ADAMTS17: variants seen among roughly 807,000 people sequenced by gnomAD.
ADAMTS17 encodes the protein A disintegrin and metalloproteinase with thrombospondin motifs 17.
ADAMTS17 carries 113 observed loss-of-function variants against 141.5 expected under a neutral mutation model. The observed-to-expected ratio is 0.80, with a 90% CI of 0.69 to 0.93. ADAMTS17 has a LOEUF of 0.93. Ranked by LOEUF, ADAMTS17 falls within the 40% of genes least tolerant of loss-of-function variation. The probability of loss-of-function intolerance (pLI) is 0.00; values close to 1 mark genes in which losing one functional copy is unlikely to be tolerated. For synonymous variants in ADAMTS17, 768 were observed against 630.6 expected (o/e 1.22, Z -3.27); for missense variants, 1,659 against 1,517.9 (o/e 1.09, Z -1.54).
chr15:100,116,886 G>A lies in ADAMTS17; in HGVS notation c.1849C>T (p.Pro617Ser). The A allele has an allele frequency of 6.2e-7, 1 of 1,614,142 alleles. No homozygotes were observed. The highest frequency in any genetic ancestry group is 8.5e-7 in the Non-Finnish European group (1 of 1,180,024). The change falls in exon 13 of 22, where the codon CCC becomes TCC. Residue 617 changes from proline to serine, a missense_variant. Physicochemically the swap from Pro to Ser is moderately conservative, Grantham distance 74 (BLOSUM62 -1). Coordinates refer to ENST00000268070, the MANE Select transcript of ADAMTS17 (RefSeq NM_139057.4). ...GCTGTCAGCAGGCCTTTCTTCTTGGGGCTCAGCCGGTCGTGTGCCTGGCAC... is the reference window on the plus strand; with the variant it reads ...GCTGTCAGCAGGCCTTTCTTCTTGGAGCTCAGCCGGTCGTGTGCCTGGCAC... ...QQCQAHDRLS[P>S]KKKGLLTAVV... is the part of the protein sequence containing the mutation.
intron 7 of ADAMTS17, among the ~76,000 whole-genome samples, chr15:100,241,613 C>A (rs2042830215): frequency 6.6e-6 from 1 of 152,196 alleles, no homozygotes; most frequent in African/African-American, 2.4e-5. Flanking sequence ...CCCTAGGTGC[C>A]ATTCATGGAT....
chr15:100,001,923 T>C (rs1463906486), intron 18 of ADAMTS17, among the ~76,000 whole-genome samples: 2 of 135,214 alleles, frequency 1.5e-5, no homozygotes, highest in African/African-American at 2.8e-5. Flanking sequence ...GAGCCGAGAT[T>C]GCACCACTGC....
chr15:100,302,975 A>G (rs1445857891), intron 3 of ADAMTS17, among the ~76,000 whole-genome samples: 3 of 151,872 alleles, frequency 2.0e-5, no homozygotes, highest in Non-Finnish European at 2.9e-5. Context: ...GTCCTCAAAC[A>G]TCGGACTCCA....
chr15:100,027,609 TGAGTA>T (rs1380975458), intron 18 of ADAMTS17, among the ~76,000 whole-genome samples: 1 of 152,262 alleles, frequency 6.6e-6, no homozygotes, highest in African/African-American at 2.4e-5. Context: ...ACAATAGAAT[TGAGTA>T]GTTAAGACAG....
chr15:100,168,858 GCT>G (rs2040050911), intron 8 of ADAMTS17, among the ~76,000 whole-genome samples: 1 of 152,202 alleles, frequency 6.6e-6, no homozygotes, highest in African/African-American at 2.4e-5. Flanking sequence ...CAGGCTGTCT[GCT>G]CCTACCCTCC....
At chr15:100,035,137 A>G (rs1355655917) in intron 18 of ADAMTS17, among the ~76,000 whole-genome samples, 3 of 152,168 alleles carry the variant, frequency 2.0e-5, no homozygotes, top group Non-Finnish European at 4.4e-5. Context: ...TCAAAAGAGC[A>G]ATACCTTTGA....
intron 7 of ADAMTS17, among the ~76,000 whole-genome samples, chr15:100,238,540 G>A (rs2042730048): frequency 6.6e-6 from 1 of 152,194 alleles, no homozygotes; most frequent in Non-Finnish European, 1.5e-5. Flanking sequence ...AATCTGTGAT[G>A]GACACAGCAA....
chr15:100,255,938 G>A (rs565735668), intron 6 of ADAMTS17, among the ~76,000 whole-genome samples: 3 of 152,206 alleles, frequency 2.0e-5, no homozygotes, highest in Non-Finnish European at 2.9e-5. Context: ...AGGAAGAGGT[G>A]TGTTCAGCTC....
At chr15:100,120,188 C>A (rs1311037449) in intron 12 of ADAMTS17, among the ~76,000 whole-genome samples, 1 of 152,208 alleles carries the variant, frequency 6.6e-6, no homozygotes, top group African/African-American at 2.4e-5. Flanking sequence ...AATAATCACA[C>A]TGGCAAAAAC....
chr15:100,209,911 T>A (rs934532455), intron 7 of ADAMTS17, among the ~76,000 whole-genome samples: 17 of 152,206 alleles, frequency 1.1e-4, no homozygotes, highest in African/African-American at 4.1e-4. Context: ...ATGTCTGTCT[T>A]TAAAATGTCA....
intron 15 of ADAMTS17, among the ~76,000 whole-genome samples, chr15:100,057,564 A>C (rs1336268474): frequency 3.3e-5 from 5 of 152,076 alleles, no homozygotes; most frequent in Non-Finnish European, 7.4e-5. Flanking sequence ...TGCTTCTGTG[A>C]ACACCCACTG....
In ADAMTS17 at chr15:100,109,034, G is replaced by C. The variant is rs760290195; in HGVS notation, c.1971C>G (p.Pro657=). 6.5e-5 allele frequency: 105 copies of C among 1,614,034 alleles called. No homozygotes were observed. The highest frequency in any genetic ancestry group is 2.3e-4 in the Admixed American group (14 of 60,014). Residue 657 remains proline, a synonymous_variant, in exon 14 of 22, where the codon CCC becomes CCG. Transcript: ENST00000268070. Reference sequence around the variant, plus strand: ...AGAGATCAGTCTCGTAGGGCCCGCAGGGTGTACCGTCCAGGACCCTGTCGG... The same window carrying C: ...AGAGATCAGTCTCGTAGGGCCCGCACGGTGTACCGTCCAGGACCCTGTCGG... ...LVADRVLDGT[P]CGPYETDLCV... is the part of the protein sequence containing the mutation.
At chr15:99,977,370 AT>A (rs1567632015) in intron 20 of ADAMTS17, among the ~76,000 whole-genome samples, 24 of 10,862 alleles carry the variant, frequency 2.2e-3, no homozygotes, top group South Asian at 5.6e-3. Flanking sequence ...ATATATATAT[AT>A]ATATATATAT....
intron 18 of ADAMTS17, among the ~76,000 whole-genome samples, chr15:100,013,479 G>A (rs1273129755): frequency 1.3e-5 from 2 of 152,178 alleles, no homozygotes; most frequent in East Asian, 3.9e-4. Flanking sequence ...CAGACAGAAA[G>A]CTTTCAACTT....
chr15:100,121,476 CT>C (rs2037448854), intron 12 of ADAMTS17, among the ~76,000 whole-genome samples: 1 of 152,110 alleles, frequency 6.6e-6, no homozygotes, highest in Non-Finnish European at 1.5e-5. Flanking sequence ...TACAAGGGAT[CT>C]TCAACAAGAT....
At chr15:100,113,023 T>G (rs886752270) in intron 13 of ADAMTS17, among the ~76,000 whole-genome samples, 1 of 152,122 alleles carries the variant, frequency 6.6e-6, no homozygotes, top group Non-Finnish European at 1.5e-5. Flanking sequence ...TCATCCAAGT[T>G]CTCCCTGGTC....
chr15:100,119,631 G>A (rs1049526981), intron 12 of ADAMTS17, among the ~76,000 whole-genome samples: 1 of 152,194 alleles, frequency 6.6e-6, no homozygotes, highest in African/African-American at 2.4e-5. Flanking sequence ...GAGGCGGAGA[G>A]GAGATATGAT....
chr15:100,316,200 G>T (rs1350506004), intron 3 of ADAMTS17, among the ~76,000 whole-genome samples: 1 of 152,170 alleles, frequency 6.6e-6, no homozygotes, highest in South Asian at 2.1e-4. Context: ...GCCTCCCCAG[G>T]ATGCCCTCCT....
intron 7 of ADAMTS17, among the ~76,000 whole-genome samples, chr15:100,209,172 G>A (rs922713978): frequency 6.9e-5 from 10 of 144,454 alleles, no homozygotes; most frequent in South Asian, 2.3e-4. Flanking sequence ...ACAAGTAACC[G>A]CATTTCTTGC....
Sources: gnomAD v4.1 joint callset for allele counts (sites outside exome capture counted in the v4.1 genomes callset) on GRCh38, gnomAD v4.1.1 for gene constraint, MANE v1.5 for transcripts, NCBI Gene and HGNC (gene_info 2026-07-23, HGNC 2026-07-21) for gene names.